GOLGA1: variants seen among roughly 807,000 people sequenced by gnomAD.
The protein encoded by GOLGA1 is golgin subfamily A member 1.
A neutral mutation model predicts 119.7 loss-of-function variants in GOLGA1; 63 were observed. That is an observed-to-expected ratio of 0.53 (90% CI 0.43 to 0.65). GOLGA1 has a LOEUF of 0.65. GOLGA1 is among the 30% of genes least tolerant of loss of function. GOLGA1 has a pLI of 0.00. For missense variants in GOLGA1, 798 were observed against 912.8 expected, an observed-to-expected ratio of 0.87 and a Z score of 1.62; for synonymous variants, 318 against 333.4, an observed-to-expected ratio of 0.95 and a Z score of 0.50.
chr9:124,939,985 G>A (rs1026144220), intron 2 of GOLGA1, 121 bp downstream of exon 2: 1 of 152,162 alleles, frequency 6.6e-6, no homozygotes, highest in African/African-American at 2.4e-5. Context: ...CATGTTTTGT[G>A]GAGGATACCT....
intron 10 of GOLGA1, among the ~76,000 whole-genome samples, chr9:124,918,762 A>C (rs1200897069): frequency 6.6e-6 from 1 of 152,030 alleles, no homozygotes; most frequent in Non-Finnish European, 1.5e-5. Flanking sequence ...TCTCAGAAAA[A>C]AACAAAATAA....
At chr9:124,913,084 A>C (rs1020843189) in intron 10 of GOLGA1, among the ~76,000 whole-genome samples, 26 of 152,196 alleles carry the variant, frequency 1.7e-4, no homozygotes, top group Admixed American at 1.2e-3. Context: ...AGCAAGGTAC[A>C]TCTTACACGG....
intron 10 of GOLGA1, among the ~76,000 whole-genome samples, chr9:124,915,670 G>C (rs1588083140): frequency 6.6e-6 from 1 of 151,940 alleles, no homozygotes; most frequent in Non-Finnish European, 1.5e-5. Context: ...GGTAACACAG[G>C]GAGATCTTTT....
At chr9:124,942,787 C>A (rs541677846), upstream of GOLGA1, 112 of 152,252 alleles carry the variant, frequency 7.4e-4, no homozygotes, top group African/African-American at 2.6e-3. Context: ...ATTCTCTAAT[C>A]TCGTTATTCA....
chr9:124,924,593 C>CT (rs1263845542), intron 7 of GOLGA1, among the ~76,000 whole-genome samples: 2 of 143,822 alleles, frequency 1.4e-5, no homozygotes, highest in African/African-American at 5.2e-5. Flanking sequence ...GACTGTGCCA[C>CT]TGCACTACAC....
intron 9 of GOLGA1, 105 bp from the exon 10 acceptor site, chr9:124,921,345 G>C: frequency 1.4e-6 from 1 of 740,736 alleles, no homozygotes; most frequent in East Asian, 2.5e-5. Context: ...AGGGCTACAA[G>C]CATCATTAGC....
At chr9:124,891,392 T>C (rs1829851185) in intron 15 of GOLGA1, among the ~76,000 whole-genome samples, 1 of 152,246 alleles carries the variant, frequency 6.6e-6, no homozygotes, top group African/African-American at 2.4e-5. Flanking sequence ...TCTAAATGTA[T>C]GTGCACCTAA....
At chr9:124,897,485 C>T (rs1198450472) in intron 15 of GOLGA1, among the ~76,000 whole-genome samples, 5 of 152,162 alleles carry the variant, frequency 3.3e-5, no homozygotes, top group South Asian at 2.1e-4. Flanking sequence ...GGATTATAGG[C>T]GCACACCACC....
chr9:124,889,160 A>T lies in GOLGA1; in HGVS notation c.1744T>A (p.Ser582Thr). ...LRGPLQAEAL[S>T]VNESHVTSRA... ...GGACTTACGTGCGACTCATTGACTG[A>T]GAGTGCTTCGGCCTGCAATGGGCCC... Residue 582 changes from serine (S) to threonine (T), a missense_variant, in exon 18 of 23, where the codon TCA (serine) becomes ACA (threonine). Transcript: ENST00000373555. The T allele has an allele frequency of 6.2e-7, 1 of 1,610,880 alleles. No homozygotes were observed. Among genetic ancestry groups the T allele is most frequent in the South Asian group, 1.1e-5 (1 of 90,814 alleles).
In GOLGA1 at chr9:124,918,305, T is replaced by C. The variant is rs151102897; in HGVS notation, c.843+2824A>G. Among the ~76,000 whole-genome samples the C allele has an allele frequency of 5.5e-3, 840 of 152,352 alleles. 3 individuals are homozygous for C. The highest frequency in any genetic ancestry group is 9.5e-3 in the Non-Finnish European group (648 of 68,026). On this transcript the variant is annotated intron_variant, in intron 10 of 22. Coordinates refer to ENST00000373555, the MANE Select transcript of GOLGA1 (RefSeq NM_002077.4). ...ACAAAGGCAAGAACTGTATCTATTT[T>C]GCTCACCATAATATTATGAACACCC...
At chr9:124,931,521 A>C in intron 3 of GOLGA1, 115 bp from the exon 4 acceptor site, 1 of 647,242 alleles carries the variant, frequency 1.5e-6, no homozygotes, top group Non-Finnish European at 2.8e-6. Flanking sequence ...AATTGTAATC[A>C]CTGAAAAGCT....
chr9:124,945,533 C>T (rs759451009), upstream of GOLGA1: 13 of 149,806 alleles, frequency 8.7e-5, no homozygotes, highest in Admixed American at 8.6e-4. Context: ...CCAGCCTGGG[C>T]AACGAGCAAA....
chr9:124,900,199 C>A (rs562888727), intron 13 of GOLGA1: 7 of 327,986 alleles, frequency 2.1e-5, no homozygotes, highest in Non-Finnish European at 3.4e-5. Context: ...GCCCCAGGAC[C>A]AGGCTGGACC....
intron 3 of GOLGA1, among the ~76,000 whole-genome samples, chr9:124,934,327 G>A (rs970852849): frequency 2.0e-5 from 3 of 152,122 alleles, no homozygotes; most frequent in African/African-American, 4.8e-5. Flanking sequence ...GTTAGCAGAA[G>A]ACAAGGCACC....
intron 10 of GOLGA1, among the ~76,000 whole-genome samples, chr9:124,917,304 ACTTT>A (rs1483596419): frequency 1.1e-4 from 16 of 152,286 alleles, no homozygotes; most frequent in Admixed American, 3.3e-4. Context: ...GCCTTATTAT[ACTTT>A]CTATCATACT....
At position 124,938,736 on chromosome 9, in the gene GOLGA1, A is replaced by C. The variant is rs1320807979; in HGVS notation, c.-25T>G. The C allele has an allele frequency of 1.2e-6, 2 of 1,602,118 alleles. No individual in the cohort carries two copies. Among genetic ancestry groups the C allele is most frequent in the Admixed American group, 1.7e-5 (1 of 57,578 alleles). On this transcript the variant is annotated 5_prime_UTR_variant, in exon 3 of 23. Coordinates refer to ENST00000373555, the MANE Select transcript of GOLGA1 (RefSeq NM_002077.4). Reference sequence around the variant, plus strand: ...TGTTTGCTGTGTGGCTATCCTGCACAGATGACGAGCTCTCAGTAGTCCTGG... The same window carrying C: ...TGTTTGCTGTGTGGCTATCCTGCACCGATGACGAGCTCTCAGTAGTCCTGG...
chr9:124,929,356 CA>C (rs1564343893), intron 4 of GOLGA1, 66 bp from the exon 5 acceptor site: 5 of 951,060 alleles, frequency 5.3e-6, no homozygotes, highest in Non-Finnish European at 8.5e-6. Context: ...GTTAATTAAA[CA>C]AAAAAATGAA....
intron 6 of GOLGA1, among the ~76,000 whole-genome samples, chr9:124,927,902 T>C (rs1038074557): frequency 6.6e-6 from 1 of 152,198 alleles, no homozygotes; most frequent in African/African-American, 2.4e-5. Flanking sequence ...TTTTCTCTTA[T>C]TTTGGGGCCT....
Position 124,938,601 on chromosome 9 carries a change from C to T in GOLGA1, c.111G>A (p.Met37Ile). The T allele has an allele frequency of 6.2e-7, 1 of 1,613,560 alleles. No individual in the cohort carries two copies. The highest frequency in any genetic ancestry group is 8.5e-7 in the Non-Finnish European group (1 of 1,179,594). The part of the protein sequence containing the change: ...RSVSKESVAS[M>I]GADSGDDFAS... ...CAAAGTCATCTCCTGAGTCAGCTCC[C>T]ATTGAGGCAACTGATTCCTTGCTCA... Residue 37 changes from methionine to isoleucine, a missense_variant, in exon 3 of 23, where the codon ATG (methionine) becomes ATA (isoleucine). Physicochemically the swap from Met to Ile is conservative, Grantham distance 10. Coordinates refer to ENST00000373555, the MANE Select transcript of GOLGA1 (RefSeq NM_002077.4).
Sources: allele counts gnomAD v4.1 joint callset (sites outside exome capture counted in the v4.1 genomes callset), GRCh38; gene constraint gnomAD v4.1.1; transcripts MANE v1.5; gene names NCBI Gene and HGNC (gene_info 2026-07-23, HGNC 2026-07-21).